Variants in XIRP2 observed in about 807,000 individuals in gnomAD.
XIRP2 encodes the protein xin actin-binding repeat-containing protein 2.
In XIRP2, 236 loss-of-function variants were observed where a neutral mutation model predicts 277.0. The observed-to-expected ratio is 0.85, with a 90% CI of 0.77 to 0.95. XIRP2 has a LOEUF of 0.95. Ranked by LOEUF, XIRP2 falls within the 40% of genes least tolerant of loss-of-function variation. The probability of loss-of-function intolerance (pLI) is 0.00; values close to 1 mark genes in which losing one functional copy is unlikely to be tolerated. For missense variants in XIRP2, 4,640 were observed against 4,157.5 expected (o/e 1.12, Z -3.19); for synonymous variants, 1,490 against 1,416.5 (o/e 1.05, Z -1.17).
intron 3 of XIRP2, among the ~76,000 whole-genome samples, chr2:167,155,231 C>T (rs555543823): frequency 1.6e-3 from 248 of 151,782 alleles, no homozygotes; most frequent in African/African-American, 5.6e-3. Flanking sequence ...AGGGAATCCT[C>T]CCTAACTCAT....
In XIRP2 at chr2:167,258,748, A is replaced by G; in HGVS notation, c.*931A>G. 6.2e-7 allele frequency: 1 copy of G among 1,613,334 alleles called. No individual in the cohort carries two copies. Among genetic ancestry groups the G allele is most frequent in the Non-Finnish European group, 8.5e-7 (1 of 1,179,608 alleles). Reference sequence around the variant, plus strand: ...CTATTTTAGAATTTCTTGATCTATTACCCTTGTCGAGTGAAGCAAATGACA... The same window carrying G: ...CTATTTTAGAATTTCTTGATCTATTGCCCTTGTCGAGTGAAGCAAATGACA... On this transcript the variant is annotated 3_prime_UTR_variant, in exon 11 of 11. Coordinates refer to ENST00000409195, the MANE Select transcript of XIRP2 (RefSeq NM_152381.6).
intron 5 of XIRP2, among the ~76,000 whole-genome samples, chr2:167,232,821 A>T (rs1694798825): frequency 6.6e-6 from 1 of 151,864 alleles, no homozygotes; most frequent in African/African-American, 2.4e-5. Context: ...AGCAAATGTG[A>T]TACTAACCCA....
chr2:167,201,436 A>G (rs1314691070), intron 3 of XIRP2, among the ~76,000 whole-genome samples: 2 of 150,118 alleles, frequency 1.3e-5, no homozygotes, highest in Admixed American at 6.7e-5. Context: ...ACAAGGGGAC[A>G]TTTGGATGAA....
At chr2:167,058,844 T>TA (rs1689102035) in intron 2 of XIRP2, among the ~76,000 whole-genome samples, 1 of 152,168 alleles carries the variant, frequency 6.6e-6, no homozygotes, top group Admixed American at 6.5e-5. Flanking sequence ...GTGGGAATTT[T>TA]AAAAATAGGG....
At chr2:166,983,042 G>T (rs769267025) in intron 2 of XIRP2, among the ~76,000 whole-genome samples, 18 of 152,124 alleles carry the variant, frequency 1.2e-4, no homozygotes, top group Non-Finnish European at 2.1e-4. Flanking sequence ...TCAGTTAGGT[G>T]GCTTTTGCTG....
At chr2:167,079,278 T>C (rs931897392) in intron 2 of XIRP2, among the ~76,000 whole-genome samples, 2 of 152,194 alleles carry the variant, frequency 1.3e-5, no homozygotes, top group Non-Finnish European at 2.9e-5. Context: ...TGTTGGGGAA[T>C]GTTGGCATGT....
rs986183850 is a variant in XIRP2, at chr2:167,024,731, G to T, written c.409-111178G>T. Among the ~76,000 whole-genome samples the T allele has an allele frequency of 6.8e-4, 103 of 152,176 alleles. 1 individual carries two copies. Among genetic ancestry groups the T allele is most frequent in the African/African-American group, 2.4e-3 (101 of 41,500 alleles). The stretch of plus-strand genomic sequence containing the variant: ...GATAATCATGTGGTTTTTGTCTTTG[G>T]TTCTGTTTATATGCTGGATTACATT... On this transcript the variant is annotated intron_variant, in intron 2 of 10. Transcript: ENST00000409195.
rs1157356157 is a variant in XIRP2, at chr2:167,025,957, A to G, written c.409-109952A>G. On this transcript the variant is annotated intron_variant, in intron 2 of 10. Transcript: ENST00000409195. Reference sequence around the variant, plus strand: ...TTGATTTGGGGTGGAGAGTTCTGTAAATGTCTATTAGGTCTGCTTGGTGCA... The same window carrying G: ...TTGATTTGGGGTGGAGAGTTCTGTAGATGTCTATTAGGTCTGCTTGGTGCA... Among the ~76,000 whole-genome samples the G allele has an allele frequency of 7.2e-5, 11 of 152,036 alleles. No individual in the cohort carries two copies. The South Asian group carries it at 1.5e-3, about 20-fold the overall frequency.
chr2:166,972,843 G>C (rs1686616228), intron 2 of XIRP2, among the ~76,000 whole-genome samples: 1 of 152,048 alleles, frequency 6.6e-6, no homozygotes, highest in Admixed American at 6.6e-5. Context: ...GTGATAAATG[G>C]GAAGGCTAAA....
rs79269124 is a variant in XIRP2, at chr2:167,196,637, C to T, written c.563-14098C>T. On this transcript the variant is annotated intron_variant, in intron 3 of 10. Coordinates refer to ENST00000409195, the MANE Select transcript of XIRP2 (RefSeq NM_152381.6). ...GGATTAGCGAGGTTTGTGACATTTC[C>T]TGAGGCCCTGCACTGCTGGTGAATG... Among the ~76,000 whole-genome samples the T allele has an allele frequency of 2.3e-3, 343 of 152,158 alleles. 12 individuals are homozygous for T. The East Asian group carries it at 0.056, about 25-fold the overall frequency.
intron 5 of XIRP2, among the ~76,000 whole-genome samples, chr2:167,225,943 G>A (rs572699307): frequency 6.6e-6 from 1 of 152,238 alleles, no homozygotes; most frequent in Admixed American, 6.5e-5. Context: ...AAGACCAAGA[G>A]TTTGCTAAAT....
At chr2:166,994,842 T>C (rs1167164848) in intron 2 of XIRP2, among the ~76,000 whole-genome samples, 1 of 152,128 alleles carries the variant, frequency 6.6e-6, no homozygotes, top group East Asian at 1.9e-4. Context: ...ACAGGAATTG[T>C]GTACTACATT....
intron 2 of XIRP2, among the ~76,000 whole-genome samples, chr2:167,021,314 C>A (rs1277101407): frequency 6.6e-6 from 1 of 152,022 alleles, no homozygotes; most frequent in Admixed American, 6.6e-5. Context: ...TCAATAACTT[C>A]TACAAACAAA....
At chr2:167,101,569 T>C (rs1180534981) in intron 2 of XIRP2, among the ~76,000 whole-genome samples, 1 of 152,216 alleles carries the variant, frequency 6.6e-6, no homozygotes, top group Non-Finnish European at 1.5e-5. Flanking sequence ...GAACACACGA[T>C]GTTTAGTTTT....
intron 2 of XIRP2, among the ~76,000 whole-genome samples, chr2:167,033,625 G>T (rs1558956354): frequency 2.0e-5 from 3 of 151,562 alleles, no homozygotes; most frequent in East Asian, 1.9e-4. Flanking sequence ...TACAACAAGA[G>T]AAAACAAAAC....
intron 2 of XIRP2, among the ~76,000 whole-genome samples, chr2:167,090,197 T>A (rs1346422176): frequency 6.6e-6 from 1 of 152,100 alleles, no homozygotes; most frequent in Non-Finnish European, 1.5e-5. Flanking sequence ...AAAACATGCA[T>A]TCTCCCAAAA....
At chr2:166,951,032 T>G (rs1250470913) in intron 2 of XIRP2, among the ~76,000 whole-genome samples, 1 of 151,908 alleles carries the variant, frequency 6.6e-6, no homozygotes, top group Admixed American at 6.6e-5. Context: ...AGCATTTTGG[T>G]CCCAACAGTC....
At chr2:167,183,388 A>G (rs1447340130) in intron 3 of XIRP2, among the ~76,000 whole-genome samples, 1 of 152,206 alleles carries the variant, frequency 6.6e-6, no homozygotes, top group African/African-American at 2.4e-5. Context: ...TATATGATTC[A>G]ATAATATCAT....
chr2:167,213,686 A>G (rs1047328762), intron 4 of XIRP2, among the ~76,000 whole-genome samples: 2 of 152,200 alleles, frequency 1.3e-5, no homozygotes, highest in African/African-American at 4.8e-5. Flanking sequence ...TAAATAAGGT[A>G]AAGTCACAGG....
Sources: gnomAD v4.1 joint callset for allele counts (sites outside exome capture counted in the v4.1 genomes callset) on GRCh38, gnomAD v4.1.1 for gene constraint, MANE v1.5 for transcripts, NCBI Gene and HGNC (gene_info 2026-07-23, HGNC 2026-07-21) for gene names.